MEGF8: variants seen among roughly 807,000 people sequenced by gnomAD.
The protein encoded by MEGF8 is multiple epidermal growth factor-like domains protein 8.
Under a neutral mutation model 302.9 loss-of-function variants are expected in MEGF8, and 156 were observed. The ratio of observed to expected loss-of-function variants is 0.52; its 90% CI spans 0.45 to 0.59. The LOEUF (loss-of-function observed/expected upper bound fraction) is 0.59, where lower values mean the gene tolerates loss of function less well. Among genes scored for constraint, MEGF8 ranks in the 20% least tolerant of loss-of-function variants. The probability of loss-of-function intolerance (pLI) is 0.00; values close to 1 mark genes in which losing one functional copy is unlikely to be tolerated. For synonymous variants in MEGF8, 1,621 were observed against 1,660.5 expected (o/e 0.98, Z 0.58); for missense variants, 3,345 against 3,964.5 (o/e 0.84, Z 4.20).
In MEGF8 at chr19:42,337,138, T is replaced by C. The variant is rs756293002; in HGVS notation, c.1445T>C (p.Phe482Ser). 1.2e-6 allele frequency: 2 copies of C among 1,613,870 alleles called. No individual in the cohort carries two copies. Among genetic ancestry groups the C allele is most frequent in the African/African-American group, 1.3e-5 (1 of 74,922 alleles). The change falls in exon 8 of 42, where the codon TTC (phenylalanine) becomes TCC (serine). Residue 482 changes from phenylalanine (F) to serine (S), a missense_variant. Phe to Ser is a radical substitution (Grantham distance 155). Coordinates refer to ENST00000251268, the MANE Select transcript of MEGF8 (RefSeq NM_001271938.2). The part of the protein sequence containing the change: ...QEEKCYEDGI[F>S]FYHLGCHQWV... ...GAAAAGTGCTACGAAGATGGCATCT[T>C]CTTCTACCACCTTGGCTGCCATCAA...
rs955021153 is a variant in MEGF8, at chr19:42,351,483, G to A, written c.2910G>A (p.Gln970=). 1.2e-6 allele frequency: 2 copies of A among 1,604,506 alleles called. No homozygotes were observed. The highest frequency in any genetic ancestry group is 1.7e-6 in the Non-Finnish European group (2 of 1,176,030). Residue 970 remains glutamine (Q), a synonymous_variant, in exon 17 of 42, where the codon CAG becomes CAA. Transcript: ENST00000251268. The surrounding 1 kb of genome is among the most constrained non-coding windows in gnomAD (Gnocchi z 5.6). The part of the protein sequence containing the change: ...LANSSQCAWC[Q]STHTCFLFAA... The stretch of plus-strand genomic sequence containing the variant: ...ACTCTAGCCAGTGCGCCTGGTGCCA[G>A]TCCACCCACACCTGCTTCCTGTTTG...
chr19:42,333,851 C>G (rs1027740874), intron 2 of MEGF8, 83 bp downstream of exon 2: 1 of 1,564,872 alleles, frequency 6.4e-7, no homozygotes, highest in Non-Finnish European at 8.7e-7. Context: ...AGAGGGCATC[C>G]AAGAGCAGAG....
Position 42,373,402 on chromosome 19 carries a change from T to C in MEGF8, c.7269+1920T>C, listed in dbSNP as rs2039719749. Among the ~76,000 whole-genome samples, 3 of 152,180 alleles carry C rather than the reference T, an allele frequency of 2.0e-5. No individual in the cohort carries two copies. The South Asian group carries it at 6.2e-4, about 32-fold the overall frequency. On this transcript the variant is annotated intron_variant, in intron 41 of 41. Coordinates refer to ENST00000251268, the MANE Select transcript of MEGF8 (RefSeq NM_001271938.2). ...CACCACCCCCGGCCGGTTCTTTTTT[T>C]TAATGTATTTATTTTTAAGACAGGG...
chr19:42,360,396 A>G (rs2039514695), intron 31 of MEGF8, among the ~76,000 whole-genome samples: 1 of 137,052 alleles, frequency 7.3e-6, no homozygotes, highest in South Asian at 2.2e-4. Flanking sequence ...CCCAGGCTGG[A>G]GTGCAGTGGT....
At chr19:42,334,355 C>T (rs1485882268) in intron 3 of MEGF8, 142 bp downstream of exon 3, 6 of 797,006 alleles carry the variant, frequency 7.5e-6, no homozygotes, top group East Asian at 2.7e-5. Context: ...ACTTCCCTCT[C>T]CTTCCAGAGC....
In MEGF8 at chr19:42,375,821, A is replaced by C. The variant is rs1178133399; in HGVS notation, c.7584A>C (p.Pro2528=). ...DTGVHTVHIQ[P]PPAPPPPPPP... ...GCGTCCATACTGTACACATCCAGCC[A>C]CCCCCAGCCCCACCACCTCCACCAC... Residue 2528 remains proline (P), a synonymous_variant, in exon 42 of 42, where the codon CCA becomes CCC. Coordinates refer to ENST00000251268, the MANE Select transcript of MEGF8 (RefSeq NM_001271938.2). The surrounding 1 kb of genome is among the most constrained non-coding windows in gnomAD (Gnocchi z 7.1). The C allele has an allele frequency of 6.2e-7, 1 of 1,610,750 alleles. No homozygotes were observed. The highest frequency in any genetic ancestry group is 1.1e-5 in the South Asian group (1 of 90,920).
rs1426616787 is a variant in MEGF8 at position 42,370,401 on chromosome 19, G to A, written c.7005+42G>A. 6.7e-6 allele frequency: 10 copies of A among 1,501,280 alleles called. No homozygotes were observed. In the Admixed American group the frequency reaches 1.8e-4, roughly 27 times the overall value. 93.0% of individuals were successfully genotyped at this position (1,501,280 alleles called of 1,614,324 possible). A position where few individuals can be genotyped will look rare whatever the true frequency, so the allele number is the denominator to read the frequency against. ...AGATGCCTGGGTCTGAGGGAGGAGGGGCTGGGGAGCTCCTGGGTCTGAGGG... is the reference window on the plus strand; with the variant it reads ...AGATGCCTGGGTCTGAGGGAGGAGGAGCTGGGGAGCTCCTGGGTCTGAGGG... On this transcript the variant is annotated intron_variant, in intron 39 of 41. Transcript: ENST00000251268.
At chr19:42,370,481 T>C in intron 39 of MEGF8, 122 bp downstream of exon 39, 1 of 989,608 alleles carries the variant, frequency 1.0e-6, no homozygotes, top group Non-Finnish European at 1.5e-6. Context: ...GCTGGAGGCC[T>C]GGATTCCTGG....
At position 42,376,480 on chromosome 19, in the gene MEGF8, G is replaced by C. The variant is rs1474969745; in HGVS notation, c.8243G>C (p.Gly2748Ala). 6.2e-7 allele frequency: 1 copy of C among 1,600,188 alleles called. No individual in the cohort carries two copies. Among genetic ancestry groups the C allele is most frequent in the South Asian group, 1.1e-5 (1 of 89,744 alleles). The stretch of plus-strand genomic sequence containing the variant: ...GCCGGTGGGCCCTGGGGACCCATGG[G>C]AGGGGGCTGCTGCCCACCAGCCATC... ...TGAGGPWGPM[G>A]GGCCPPAIPA... The change falls in exon 42 of 42, where the codon GGA becomes GCA. Residue 2748 changes from glycine (G) to alanine (A), a missense_variant. By Grantham distance (60) the Gly-to-Ala change is moderately conservative. Transcript: ENST00000251268. This position sits in a 1 kb window ranked among gnomAD's most constrained non-coding sequence, Gnocchi z 8.2.
intron 35 of MEGF8, among the ~76,000 whole-genome samples, chr19:42,367,940 G>A (rs1164083072): frequency 6.6e-6 from 1 of 151,820 alleles, no homozygotes; most frequent in African/African-American, 2.4e-5. Flanking sequence ...TTCTTTTTTT[G>A]AGACAGAGTC....
rs1327218316 is a variant in MEGF8, at chr19:42,358,430, C to A, written c.5175+123C>A. On this transcript the variant is annotated intron_variant, in intron 29 of 41. Coordinates refer to ENST00000251268, the MANE Select transcript of MEGF8 (RefSeq NM_001271938.2). The surrounding 1 kb of genome is among the most constrained non-coding windows in gnomAD (Gnocchi z 4.4). ...TTCCCCTCCTTTCTATGTTCCCTAACTAAGCGACACCCCCACATCTCCCCC... is the reference window on the plus strand; with the variant it reads ...TTCCCCTCCTTTCTATGTTCCCTAAATAAGCGACACCCCCACATCTCCCCC... 4 of 1,227,544 alleles carry A rather than the reference C, an allele frequency of 3.3e-6. No homozygotes were observed. Among genetic ancestry groups the A allele is most frequent in the Admixed American group, 3.0e-5 (1 of 33,052 alleles). The allele number at this position is 1,227,544 out of a possible 1,614,324, so 76.0% of individuals were successfully genotyped here. A position where few individuals can be genotyped will look rare whatever the true frequency, so the allele number is the denominator to read the frequency against.
chr19:42,369,326 A>C lies in MEGF8; in HGVS notation c.6642-205A>C, dbSNP rs1219174493. On this transcript the variant is annotated intron_variant, in intron 37 of 41. Coordinates refer to ENST00000251268, the MANE Select transcript of MEGF8 (RefSeq NM_001271938.2). This position sits in a 1 kb window ranked among gnomAD's most constrained non-coding sequence, Gnocchi z 5.7. Reference sequence around the variant, plus strand: ...CATCTCTACAAAAAAATAAAAAAGAAAATAGGGTACCCTCAAAAGAGGAGA... The same window carrying C: ...CATCTCTACAAAAAAATAAAAAAGACAATAGGGTACCCTCAAAAGAGGAGA... 6.6e-6 allele frequency among the ~76,000 whole-genome samples: 1 copy of C among 152,204 alleles called. No individual in the cohort carries two copies. Among genetic ancestry groups the C allele is most frequent in the Non-Finnish European group, 1.5e-5 (1 of 68,032 alleles).
In MEGF8 at chr19:42,355,781, G is replaced by A. The variant is rs1423373116; in HGVS notation, c.4168G>A (p.Ala1390Thr). ...AGGGCTGCTCGTGCTGCACTGGGAG[G>A]CCAATGGCTCCTCATCCTGGGGCTT... ...LSGLLVLHWE[A>T]NGSSSWGFNA... The change falls in exon 24 of 42, where the codon GCC becomes ACC. Residue 1390 changes from alanine to threonine, a missense_variant. Physicochemically the swap from Ala to Thr is moderately conservative, Grantham distance 58. Transcript: ENST00000251268. The A allele has an allele frequency of 2.5e-6, 4 of 1,582,136 alleles. No homozygotes were observed. Among genetic ancestry groups the A allele is most frequent in the Admixed American group, 1.8e-5 (1 of 55,414 alleles).
chr19:42,338,825 ATTTTTTTTTTTTT>A (rs55994617), intron 8 of MEGF8, among the ~76,000 whole-genome samples: 6 of 47,160 alleles, frequency 1.3e-4, no homozygotes, highest in East Asian at 1.3e-3. Context: ...CTTTCTATGT[ATTTTTTTTTTTTT>A]TTTTTTTTTT....
At chr19:42,350,983 C>T (rs555418734) in intron 15 of MEGF8, 548 of 570,118 alleles carry the variant, frequency 9.6e-4, no homozygotes, top group Non-Finnish European at 1.4e-3. Context: ...GAATAAGCCC[C>T]ACCCGGACCA....
Position 42,362,221 on chromosome 19 carries a change from G to A in MEGF8, c.5844+8G>A, listed in dbSNP as rs1409640079. ...CAACCTGGAGATGGAGAGGTGAGTGGTGGGGAAGGCAGGGATGAGAAGCAG... is the reference window on the plus strand; with the variant it reads ...CAACCTGGAGATGGAGAGGTGAGTGATGGGGAAGGCAGGGATGAGAAGCAG... On this transcript the variant is annotated splice_region_variant and intron_variant, in intron 33 of 41. Transcript: ENST00000251268. 1.2e-6 allele frequency: 2 copies of A among 1,610,520 alleles called. No homozygotes were observed. The highest frequency in any genetic ancestry group is 4.5e-5 in the East Asian group (2 of 44,840).
Position 42,335,232 on chromosome 19 carries a change from A to G in MEGF8, c.739+17A>G. 6.2e-7 allele frequency: 1 copy of G among 1,613,964 alleles called. No homozygotes were observed. The highest frequency in any genetic ancestry group is 8.5e-7 in the Non-Finnish European group (1 of 1,179,880). On this transcript the variant is annotated intron_variant, in intron 4 of 41. Transcript: ENST00000251268. ...TTTTCGGAGGTGAGCAGATGGGGCG[A>G]GTATCTGGGATCTGGAGGCCCGGCA... is the stretch of plus-strand genomic sequence containing the variant.
chr19:42,368,198 G>A lies in MEGF8; in HGVS notation c.6274-257G>A, dbSNP rs376583354. ...CTCCCAAAGTATTGGGATTACAGGT[G>A]TGAGCCACTGCGGCCAGGCAACCTT... is the stretch of plus-strand genomic sequence containing the variant. On this transcript the variant is annotated intron_variant, in intron 35 of 41. Coordinates refer to ENST00000251268, the MANE Select transcript of MEGF8 (RefSeq NM_001271938.2). The surrounding 1 kb of genome is among the most constrained non-coding windows in gnomAD (Gnocchi z 4.9). Among the ~76,000 whole-genome samples the A allele has an allele frequency of 5.9e-5, 9 of 152,294 alleles. No individual in the cohort carries two copies. The South Asian group carries it at 1.0e-3, about 18-fold the overall frequency.
chr19:42,357,709 C>T lies in MEGF8; in HGVS notation c.5011+125C>T, dbSNP rs552235060. On this transcript the variant is annotated intron_variant, in intron 28 of 41. Coordinates refer to ENST00000251268, the MANE Select transcript of MEGF8 (RefSeq NM_001271938.2). The surrounding 1 kb of genome is among the most constrained non-coding windows in gnomAD (Gnocchi z 5.2). ...TCTCCCTCTCTTTCCCATCCCCATGCAGATTCTCAGGGCACCCTCTTGAAT... is the reference window on the plus strand; with the variant it reads ...TCTCCCTCTCTTTCCCATCCCCATGTAGATTCTCAGGGCACCCTCTTGAAT... 30 of 866,334 alleles carry T rather than the reference C, an allele frequency of 3.5e-5. No individual in the cohort carries two copies. The African/African-American group carries it at 4.8e-4, about 14-fold the overall frequency. 53.7% of individuals were successfully genotyped at this position (866,334 alleles called of 1,614,324 possible). A position where few individuals can be genotyped will look rare whatever the true frequency, so the allele number is the denominator to read the frequency against.
Sources: allele counts gnomAD v4.1 joint callset (sites outside exome capture counted in the v4.1 genomes callset), GRCh38; gene constraint gnomAD v4.1.1; non-coding constraint Gnocchi (gnomAD v3.1); transcripts MANE v1.5; gene names NCBI Gene and HGNC (gene_info 2026-07-23, HGNC 2026-07-21).